The following ZFYVE28 variants were observed in gnomAD, a reference collection of about 807,000 sequenced individuals.
ZFYVE28 encodes the protein zinc finger FYVE-type containing 28.
Under a neutral mutation model 82.1 loss-of-function variants are expected in ZFYVE28, and 40 were observed. The observed-to-expected ratio is 0.49, with a 90% CI of 0.38 to 0.63. ZFYVE28 has a LOEUF of 0.63. Ranked by LOEUF, ZFYVE28 falls within the 30% of genes least tolerant of loss-of-function variation. The pLI, the probability that ZFYVE28 is intolerant of heterozygous loss-of-function variation, is 0.00. For missense variants in ZFYVE28, 1,321 were observed against 1,242.1 expected (o/e 1.06, Z -0.96); for synonymous variants, 612 against 546.1 (o/e 1.12, Z -1.68).
intron 2 of ZFYVE28, among the ~76,000 whole-genome samples, chr4:2,348,905 C>A (rs1035986108): frequency 3.5e-4 from 53 of 152,274 alleles, no homozygotes; most frequent in African/African-American, 1.2e-3. Context: ...TAAAATGATG[C>A]GTCTTCCATC....
chr4:2,272,361 AG>A (rs550301839), intron 10 of ZFYVE28, among the ~76,000 whole-genome samples: 17 of 152,330 alleles, frequency 1.1e-4, no homozygotes, highest in South Asian at 6.2e-4. Context: ...GCCTCAGCTC[AG>A]CACCAGAGCA....
chr4:2,334,093 G>A lies in ZFYVE28; in HGVS notation c.701+1612C>T, dbSNP rs542521508. On this transcript the variant is annotated intron_variant, in intron 6 of 12. Transcript: ENST00000290974. Reference sequence around the variant, plus strand: ...TGAGTCTAACGGCAGGAGGATTTCCGAGCCTCCCTCTGGCGCGATGTGAGG... The same window carrying A: ...TGAGTCTAACGGCAGGAGGATTTCCAAGCCTCCCTCTGGCGCGATGTGAGG... Among the ~76,000 whole-genome samples, 4 of 152,276 alleles carry A rather than the reference G, an allele frequency of 2.6e-5. No individual in the cohort carries two copies. In the South Asian group the frequency reaches 6.2e-4, roughly 24 times the overall value.
intron 1 of ZFYVE28, among the ~76,000 whole-genome samples, chr4:2,375,017 T>C (rs1294870614): frequency 6.6e-6 from 1 of 152,222 alleles, no homozygotes; most frequent in African/African-American, 2.4e-5. Flanking sequence ...TAAGTCCTTG[T>C]CTTTCTCTAC....
At chr4:2,283,862 A>T (rs1360077341) in intron 8 of ZFYVE28, among the ~76,000 whole-genome samples, 1 of 152,126 alleles carries the variant, frequency 6.6e-6, no homozygotes, top group African/African-American at 2.4e-5. Context: ...GCTTGAATGA[A>T]AGCCAAGAGG....
rs182520202 is a variant in ZFYVE28, at chr4:2,375,217, A to T, written c.40-21144T>A. On this transcript the variant is annotated intron_variant, in intron 1 of 12. Transcript: ENST00000290974. The stretch of plus-strand genomic sequence containing the variant: ...AAGCTTTTCCCCGCAGCCTCGGGGA[A>T]GGTGGCTTTCTCTTCTTATCCTCAA... 3.4e-3 allele frequency among the ~76,000 whole-genome samples: 512 copies of T among 152,350 alleles called. 4 individuals are homozygous for T. The highest frequency in any genetic ancestry group is 0.011 in the African/African-American group (470 of 41,582).
rs1044988270 is a variant in ZFYVE28, at chr4:2,271,523, C to T, written c.2429-109G>A. The T allele has an allele frequency of 4.2e-6, 6 of 1,442,590 alleles. No homozygotes were observed. The East Asian group carries it at 6.9e-5, about 17-fold the overall frequency. The allele number at this position is 1,442,590 out of a possible 1,614,324, so 89.4% of individuals were successfully genotyped here. A position where few individuals can be genotyped will look rare whatever the true frequency, so the allele number is the denominator to read the frequency against. ...CTTTCCAGACTGCCAAGCCGCCTGG[C>T]CTCCAGCCAGCCTCCGGGGGGGCGG... On this transcript the variant is annotated intron_variant, in intron 11 of 12. Coordinates refer to ENST00000290974, the MANE Select transcript of ZFYVE28 (RefSeq NM_020972.3).
intron 8 of ZFYVE28, among the ~76,000 whole-genome samples, chr4:2,290,061 G>A (rs1373595130): frequency 6.6e-6 from 1 of 152,196 alleles, no homozygotes; most frequent in Non-Finnish European, 1.5e-5. Context: ...CTGACAGACA[G>A]CCAGGCCTCA....
In ZFYVE28 at chr4:2,417,157, G is replaced by A. The variant is rs1337061386; in HGVS notation, c.39+1128C>T. On this transcript the variant is annotated intron_variant, in intron 1 of 12. Coordinates refer to ENST00000290974, the MANE Select transcript of ZFYVE28 (RefSeq NM_020972.3). The surrounding 1 kb of genome is among the most constrained non-coding windows in gnomAD (Gnocchi z 4.8). ...TGGCCTCGGACGTCCGAGCTGCCCG[G>A]ACGAAGCGCTGGCCCCACTCCCGCC... Among the ~76,000 whole-genome samples, 1 of 152,166 alleles carries A rather than the reference G, an allele frequency of 6.6e-6. No homozygotes were observed. Among genetic ancestry groups the A allele is most frequent in the Admixed American group, 6.5e-5 (1 of 15,278 alleles).
At chr4:2,271,836 G>A in intron 10 of ZFYVE28, 57 bp from the exon 11 acceptor site, 1 of 1,522,266 alleles carries the variant, frequency 6.6e-7, no homozygotes, top group Non-Finnish European at 9.1e-7. Context: ...ATTGATGCAG[G>A]GTCACCTGCA....
At chr4:2,405,535 C>G (rs1362362859) in intron 1 of ZFYVE28, among the ~76,000 whole-genome samples, 1 of 152,212 alleles carries the variant, frequency 6.6e-6, no homozygotes, top group Non-Finnish European at 1.5e-5. Flanking sequence ...GCCACATGGC[C>G]GAGCTGTAAC....
At chr4:2,288,259 C>T (rs185108531) in intron 8 of ZFYVE28, among the ~76,000 whole-genome samples, 2 of 152,346 alleles carry the variant, frequency 1.3e-5, no homozygotes, top group Admixed American at 1.3e-4. Flanking sequence ...GGTACAGGGC[C>T]TCCATCTCCT....
At position 2,353,952 on chromosome 4, in the gene ZFYVE28, C is replaced by G. The variant is rs1578217996; in HGVS notation, c.161G>C (p.Ser54Thr). Residue 54 changes from serine to threonine, a missense_variant, in exon 2 of 13, where the codon AGC becomes ACC. Physicochemically the swap from Ser to Thr is moderately conservative, Grantham distance 58 (BLOSUM62 1). Coordinates refer to ENST00000290974, the MANE Select transcript of ZFYVE28 (RefSeq NM_020972.3). ...KDPQRCTLLVSQFRSCQDNVL... is the reference protein window; with the variant it reads ...KDPQRCTLLVTQFRSCQDNVL... ...GCTCACCTGACAGGAGCGGAACTGG[C>G]TGACCAGCAGCGTGCACCGCTGGGG... 6.4e-7 allele frequency: 1 copy of G among 1,554,378 alleles called. No homozygotes were observed. The highest frequency in any genetic ancestry group is 1.9e-5 in the Admixed American group (1 of 52,908).
chr4:2,279,594 A>G (rs937044290), intron 8 of ZFYVE28, among the ~76,000 whole-genome samples: 2 of 152,108 alleles, frequency 1.3e-5, no homozygotes, highest in Non-Finnish European at 2.9e-5. Context: ...CCTGGCTAAC[A>G]CGATGAAACC....
chr4:2,411,055 T>A (rs1057062206), intron 1 of ZFYVE28, among the ~76,000 whole-genome samples: 1 of 152,186 alleles, frequency 6.6e-6, no homozygotes, highest in Non-Finnish European at 1.5e-5. Context: ...AAGGACACTA[T>A]CCTAAATTGG....
chr4:2,341,474 C>A lies in ZFYVE28; in HGVS notation c.318+4G>T, dbSNP rs1198706892. The A allele has an allele frequency of 8.1e-6, 13 of 1,612,768 alleles. No homozygotes were observed. Among genetic ancestry groups the A allele is most frequent in the Non-Finnish European group, 1.1e-5 (13 of 1,179,972 alleles). ...ACCTCCGAACCCGGGTGGCCACCCG[C>A]TACCTCGGCACCGAACCACAGCTGG... On this transcript the variant is annotated splice_donor_region_variant and intron_variant, in intron 3 of 12. Transcript: ENST00000290974. The surrounding 1 kb of genome is among the most constrained non-coding windows in gnomAD (Gnocchi z 4.5).
At chr4:2,361,951 A>T (rs1426427381) in intron 1 of ZFYVE28, among the ~76,000 whole-genome samples, 1 of 152,132 alleles carries the variant, frequency 6.6e-6, no homozygotes, top group East Asian at 1.9e-4. Flanking sequence ...CAGCCAGGCC[A>T]GAGAGGACCA....
intron 8 of ZFYVE28, among the ~76,000 whole-genome samples, chr4:2,299,272 C>A (rs1715121578): frequency 6.6e-6 from 1 of 152,082 alleles, no homozygotes; most frequent in South Asian, 2.1e-4. Context: ...TCAGAGGGGG[C>A]AAACCTCAGG....
At chr4:2,292,060 A>C (rs1184093041) in intron 8 of ZFYVE28, among the ~76,000 whole-genome samples, 1 of 152,102 alleles carries the variant, frequency 6.6e-6, no homozygotes, top group Admixed American at 6.5e-5. Context: ...TCCCCCAACC[A>C]GGCTCCTCAG....
At chr4:2,371,883 G>C (rs752560399) in intron 1 of ZFYVE28, among the ~76,000 whole-genome samples, 3 of 152,078 alleles carry the variant, frequency 2.0e-5, no homozygotes, top group Non-Finnish European at 4.4e-5. Context: ...GGCCTCGGCG[G>C]CAACAGGATG....
Sources: allele counts gnomAD v4.1 joint callset (sites outside exome capture counted in the v4.1 genomes callset), GRCh38; gene constraint gnomAD v4.1.1; non-coding constraint Gnocchi (gnomAD v3.1); transcripts MANE v1.5; gene names NCBI Gene and HGNC (gene_info 2026-07-23, HGNC 2026-07-21).